Variants in LY75 observed in about 807,000 individuals in gnomAD.
The protein encoded by LY75 is C-type lectin domain family 13 member B.
Under a neutral mutation model 231.7 loss-of-function variants are expected in LY75, and 185 were observed. The ratio of observed to expected loss-of-function variants is 0.80; its 90% confidence interval spans 0.71 to 0.90. The LOEUF is 0.90. LY75 is among the 40% of genes least tolerant of loss of function. The pLI is 0.00. For missense variants in LY75, 1,947 were observed against 2,050.2 expected (o/e 0.95, Z 0.97); for synonymous variants, 668 against 689.0 (o/e 0.97, Z 0.48).
At chr2:159,885,107 T>C (rs766057118) in intron 6 of LY75, 46 bp downstream of exon 6, 16 of 1,587,356 alleles carry the variant, frequency 1.0e-5, no homozygotes, top group Non-Finnish European at 1.4e-5. Context: ...AAAACTATGA[T>C]TTTAAGACCT....
Position 159,860,909 on chromosome 2 carries a change from T to A in LY75, c.2200-20A>T. 1 of 1,613,642 alleles carries A rather than the reference T, an allele frequency of 6.2e-7. No homozygotes were observed. The highest frequency in any genetic ancestry group is 8.5e-7 in the Non-Finnish European group (1 of 1,179,694). ...AGACACCTGAAAAGACAAGAGAGGC[T>A]TGAGAATTTAAGACTGATGTATAAA... is the stretch of plus-strand genomic sequence containing the variant. On this transcript the variant is annotated intron_variant, in intron 14 of 34. Coordinates refer to ENST00000263636, the MANE Select transcript of LY75 (RefSeq NM_002349.4).
chr2:159,837,907 A>C (rs918698447), intron 25 of LY75, among the ~76,000 whole-genome samples: 2 of 152,162 alleles, frequency 1.3e-5, no homozygotes, highest in Non-Finnish European at 2.9e-5. Context: ...TCCTACCATT[A>C]ACTTGGGATG....
rs370234401 is a variant in LY75, at chr2:159,860,924, T to C, written c.2200-35A>G. 13 of 1,612,142 alleles carry C rather than the reference T, an allele frequency of 8.1e-6. No homozygotes were observed. In the African/African-American group the frequency reaches 1.7e-4, roughly 22 times the overall value. ...CAAGAGAGGCTTGAGAATTTAAGACTGATGTATAAATATTTGCAATTTAGA... is the reference window on the plus strand; with the variant it reads ...CAAGAGAGGCTTGAGAATTTAAGACCGATGTATAAATATTTGCAATTTAGA... On this transcript the variant is annotated intron_variant, in intron 14 of 34. Transcript: ENST00000263636.
At chr2:159,810,497 C>T in intron 32 of LY75, 29 bp downstream of exon 32, 1 of 1,598,968 alleles carries the variant, frequency 6.3e-7, no homozygotes, top group Non-Finnish European at 8.5e-7. Flanking sequence ...ATTATTGAGT[C>T]ATAAGAAAAT....
At chr2:159,881,341 G>A in intron 7 of LY75, 101 bp from the exon 8 acceptor site, 1 of 1,270,614 alleles carries the variant, frequency 7.9e-7, no homozygotes, top group Non-Finnish European at 1.1e-6. Flanking sequence ...AGTTTTAAGA[G>A]CCTTTGTAGT....
intron 28 of LY75, among the ~76,000 whole-genome samples, chr2:159,830,303 A>G (rs1420646953): frequency 1.3e-5 from 2 of 152,090 alleles, no homozygotes; most frequent in African/African-American, 2.4e-5. Context: ...ACCCCTGGTT[A>G]TCATTGTCCT....
At chr2:159,815,595 T>C (rs763617309) in intron 30 of LY75, 22 bp from the exon 31 acceptor site, 1 of 1,601,202 alleles carries the variant, frequency 6.2e-7, no homozygotes, top group Non-Finnish European at 8.5e-7. Flanking sequence ...ACAATAGAGA[T>C]AACCTGAATC....
intron 31 of LY75, among the ~76,000 whole-genome samples, chr2:159,815,167 T>A (rs1042853858): frequency 1.4e-4 from 21 of 151,676 alleles, no homozygotes; most frequent in Non-Finnish European, 2.5e-4. Context: ...TGCCCAGCTA[T>A]TTTTTTTGCA....
chr2:159,887,904 C>T (rs981919121), intron 4 of LY75, among the ~76,000 whole-genome samples: 1 of 152,164 alleles, frequency 6.6e-6, no homozygotes, highest in Non-Finnish European at 1.5e-5. Context: ...TTCTCCTTCA[C>T]TGAAGTCATC....
At chr2:159,861,869 C>A (rs1684714138) in intron 14 of LY75, among the ~76,000 whole-genome samples, 1 of 151,994 alleles carries the variant, frequency 6.6e-6, no homozygotes, top group Non-Finnish European at 1.5e-5. Flanking sequence ...TGAAAACAAT[C>A]ACTTGTGGCC....
Position 159,805,802 on chromosome 2 carries a change from C to T in LY75, c.4991-580G>A, listed in dbSNP as rs548942583. On this transcript the variant is annotated intron_variant, in intron 34 of 34. Coordinates refer to ENST00000263636, the MANE Select transcript of LY75 (RefSeq NM_002349.4). ...TCTATGGATAACTCAAAATGGCCAA[C>T]GTAGAACTTTTGATTTGCAACACCC... Among the ~76,000 whole-genome samples the T allele has an allele frequency of 5.3e-5, 8 of 152,278 alleles. No homozygotes were observed. The South Asian group carries it at 6.2e-4, about 12-fold the overall frequency.
At chr2:159,877,965 G>GA (rs2125873611) in intron 11 of LY75, among the ~76,000 whole-genome samples, 1 of 152,288 alleles carries the variant, frequency 6.6e-6, no homozygotes, top group South Asian at 2.1e-4. Flanking sequence ...ATTCAGTTTT[G>GA]AAAATAGGTT....
chr2:159,850,576 T>C, intron 21 of LY75, 109 bp from the exon 22 acceptor site: 2 of 1,418,552 alleles, frequency 1.4e-6, no homozygotes, highest in African/African-American at 2.8e-5. Flanking sequence ...GTCTGTGAGA[T>C]ATGGTAATTT....
intron 5 of LY75, 66 bp downstream of exon 5, chr2:159,886,354 G>A (rs1230621550): frequency 6.8e-7 from 1 of 1,473,578 alleles, no homozygotes; most frequent in Non-Finnish European, 9.1e-7. Context: ...AGCTATTGGT[G>A]AGTGAGAAGC....
At chr2:159,825,933 C>G (rs1422911133) in intron 28 of LY75, among the ~76,000 whole-genome samples, 1 of 151,124 alleles carries the variant, frequency 6.6e-6, no homozygotes, top group Non-Finnish European at 1.5e-5. Flanking sequence ...AACTCTCAAA[C>G]TAGGTATTGA....
intron 2 of LY75, among the ~76,000 whole-genome samples, chr2:159,897,646 T>G (rs1685942634): frequency 6.6e-6 from 1 of 152,174 alleles, no homozygotes; most frequent in East Asian, 1.9e-4. Context: ...AAATTTAGCT[T>G]AAATGATCTT....
In LY75 at chr2:159,889,650, T is replaced by G. The variant is rs576421179; in HGVS notation, c.802+563A>C. Among the ~76,000 whole-genome samples, 12 of 152,312 alleles carry G rather than the reference T, an allele frequency of 7.9e-5. No homozygotes were observed. In the South Asian group the frequency reaches 8.3e-4, roughly 11 times the overall value. ...GATAGGATAAATGGTCTTTTAAAGT[T>G]TTTATTTATTCTTATCTATTAAGTT... On this transcript the variant is annotated intron_variant, in intron 4 of 34. Coordinates refer to ENST00000263636, the MANE Select transcript of LY75 (RefSeq NM_002349.4).
Position 159,804,018 on chromosome 2 carries a change from C to T in LY75, c.*1026G>A, listed in dbSNP as rs1276823232. On this transcript the variant is annotated 3_prime_UTR_variant, in exon 35 of 35. Transcript: ENST00000263636. The stretch of plus-strand genomic sequence containing the variant: ...ATGTAATACATCAGAAAATGCAAAG[C>T]ACACTGCTACAAGGTACCTACTCAA... The T allele has an allele frequency of 6.6e-6, 1 of 152,178 alleles. No homozygotes were observed. 9.4% of individuals were successfully genotyped at this position (152,178 alleles called of 1,614,324 possible). A position where few individuals can be genotyped will look rare whatever the true frequency, so the allele number is the denominator to read the frequency against.
chr2:159,831,201 C>T (rs931445746), intron 28 of LY75, among the ~76,000 whole-genome samples: 1 of 152,090 alleles, frequency 6.6e-6, no homozygotes, highest in Non-Finnish European at 1.5e-5. Flanking sequence ...TTGCTGTTCT[C>T]GTGATAGTGA....
Sources: allele counts gnomAD v4.1 joint callset (sites outside exome capture counted in the v4.1 genomes callset), GRCh38; gene constraint gnomAD v4.1.1; transcripts MANE v1.5; gene names NCBI Gene and HGNC (gene_info 2026-07-23, HGNC 2026-07-21).